The following RETREG1 variants were observed in gnomAD, a reference collection of about 807,000 sequenced individuals.
RETREG1 encodes family with sequence similarity 134 member B.
Under a neutral mutation model 54.8 loss-of-function variants are expected in RETREG1, and 44 were observed. The observed-to-expected ratio is 0.80, with a 90% CI of 0.63 to 1.03. RETREG1 has a LOEUF of 1.03. Among genes scored for constraint, RETREG1 ranks in the 50% least tolerant of loss-of-function variants. The pLI, the probability that RETREG1 is intolerant of heterozygous loss-of-function variation, is 0.00. For missense variants in RETREG1, 554 were observed against 605.1 expected, an observed-to-expected ratio of 0.92 and a Z score of 0.89; for synonymous variants, 217 against 238.5, an observed-to-expected ratio of 0.91 and a Z score of 0.83.
rs192748391 is a variant in RETREG1 at position 16,593,101 on chromosome 5, C to T, written c.321-20999G>A. On this transcript the variant is annotated intron_variant, in intron 1 of 8. Coordinates refer to ENST00000306320, the MANE Select transcript of RETREG1 (RefSeq NM_001034850.3). The surrounding 1 kb of genome is among the most constrained non-coding windows in gnomAD (Gnocchi z 4.9). ...CAAAAGGCGTTTGCTTCCTAAAGCT[C>T]GGCAAAGGCACAACAGTGAACCCCT... 1.1e-4 allele frequency among the ~76,000 whole-genome samples: 16 copies of T among 152,240 alleles called. No individual in the cohort carries two copies. Among genetic ancestry groups the T allele is most frequent in the South Asian group, 2.1e-4 (1 of 4,818 alleles).
In RETREG1 at chr5:16,592,290, G is replaced by A. The variant is rs775344716; in HGVS notation, c.321-20188C>T. Reference sequence around the variant, plus strand: ...GAAGGCATACATGCAGTCAAGAAGCGTATGAAAAAAAGCTCAGTATTACTG... The same window carrying A: ...GAAGGCATACATGCAGTCAAGAAGCATATGAAAAAAAGCTCAGTATTACTG... On this transcript the variant is annotated intron_variant, in intron 1 of 8. Transcript: ENST00000306320. Among the ~76,000 whole-genome samples, 6 of 152,162 alleles carry A rather than the reference G, an allele frequency of 3.9e-5. No individual in the cohort carries two copies. The East Asian group carries it at 5.8e-4, about 15-fold the overall frequency.
At chr5:16,570,495 G>C (rs1239190048) in intron 2 of RETREG1, among the ~76,000 whole-genome samples, 1 of 152,168 alleles carries the variant, frequency 6.6e-6, no homozygotes, top group Non-Finnish European at 1.5e-5. Flanking sequence ...CAGATGCTCA[G>C]CTTGCTTCCT....
rs1738475118 is a variant in RETREG1, at chr5:16,475,052, C to T, written c.1183G>A (p.Gly395Ser). Residue 395 changes from glycine to serine, a missense_variant, in exon 9 of 9, where the codon GGT (glycine) becomes AGT (serine). Transcript: ENST00000306320. ...TCACTGTTCAGAGGAAGGGTGAGAC[C>T]AGCTGCTGATTGCGTCTCTTTGCTT... ...RPSKETQSAA[G>S]LTLPLNSDQT... 1.2e-6 allele frequency: 2 copies of T among 1,613,734 alleles called. No individual in the cohort carries two copies. The highest frequency in any genetic ancestry group is 1.7e-6 in the Non-Finnish European group (2 of 1,179,906).
intron 3 of RETREG1, among the ~76,000 whole-genome samples, chr5:16,516,772 A>G (rs1049061004): frequency 2.6e-5 from 4 of 152,076 alleles, no homozygotes; most frequent in African/African-American, 9.7e-5. Flanking sequence ...CATATAACAA[A>G]AAAAAAAATC....
At chr5:16,566,979 T>C (rs958523878) in intron 2 of RETREG1, among the ~76,000 whole-genome samples, 7 of 152,226 alleles carry the variant, frequency 4.6e-5, no homozygotes, top group African/African-American at 1.7e-4. Context: ...CTAACAATCC[T>C]GGAGCCAAGA....
chr5:16,521,786 A>C (rs1393987712), intron 3 of RETREG1, among the ~76,000 whole-genome samples: 1 of 152,266 alleles, frequency 6.6e-6, no homozygotes, highest in African/African-American at 2.4e-5. Context: ...TGTCAGGTTT[A>C]AAGGATTTCA....
In RETREG1 at chr5:16,597,727, CCCT is replaced by C. The variant is rs1167801147; in HGVS notation, c.320+18922_320+18924del. The stretch of plus-strand genomic sequence containing the variant: ...AGCCTCCAACATGTCTCCCACATGC[CCCT>C]CCTCACTGCCCCTCAAGTGCTTTCT... On this transcript the variant is annotated intron_variant, in intron 1 of 8. Transcript: ENST00000306320. The surrounding 1 kb of genome is among the most constrained non-coding windows in gnomAD (Gnocchi z 4.3). 6.6e-6 allele frequency among the ~76,000 whole-genome samples: 1 copy of C among 152,156 alleles called. No individual in the cohort carries two copies. Among genetic ancestry groups the C allele is most frequent in the Non-Finnish European group, 1.5e-5 (1 of 68,036 alleles).
chr5:16,606,670 A>T (rs1743200432), intron 1 of RETREG1, among the ~76,000 whole-genome samples: 1 of 151,762 alleles, frequency 6.6e-6, no homozygotes, highest in East Asian at 1.9e-4. Flanking sequence ...TACCCACCAA[A>T]TCATTCTGTC....
chr5:16,552,026 T>A (rs1741557566), intron 3 of RETREG1, among the ~76,000 whole-genome samples: 1 of 152,180 alleles, frequency 6.6e-6, no homozygotes, highest in South Asian at 2.1e-4. Flanking sequence ...TCCAGGATCA[T>A]CCACCCATCT....
intron 3 of RETREG1, among the ~76,000 whole-genome samples, chr5:16,500,402 T>C (rs946857192): frequency 9.2e-5 from 14 of 151,960 alleles, no homozygotes; most frequent in African/African-American, 3.4e-4. Context: ...GATGAGAGAA[T>C]GGGTGAATGA....
chr5:16,495,114 G>A (rs1271570714), intron 3 of RETREG1, among the ~76,000 whole-genome samples: 1 of 152,182 alleles, frequency 6.6e-6, no homozygotes, highest in Non-Finnish European at 1.5e-5. Context: ...GTATCTGGTG[G>A]AAGAAATTTC....
intron 2 of RETREG1, among the ~76,000 whole-genome samples, chr5:16,568,191 G>A (rs143179272): frequency 6.6e-6 from 1 of 152,000 alleles, no homozygotes; most frequent in Non-Finnish European, 1.5e-5. Context: ...CCATCCCAGC[G>A]AGAGGATGTT....
intron 3 of RETREG1, among the ~76,000 whole-genome samples, chr5:16,515,386 T>C (rs1740316713): frequency 6.6e-6 from 1 of 152,238 alleles, no homozygotes; most frequent in Non-Finnish European, 1.5e-5. Flanking sequence ...AATCTCCTTA[T>C]TCCAATCTGT....
intron 3 of RETREG1, among the ~76,000 whole-genome samples, chr5:16,493,225 T>C (rs1474812685): frequency 6.6e-6 from 1 of 152,228 alleles, no homozygotes; most frequent in African/African-American, 2.4e-5. Context: ...ACCTAGATCA[T>C]TTGGGAGGCT....
intron 3 of RETREG1, among the ~76,000 whole-genome samples, chr5:16,514,076 A>G (rs1387390970): frequency 1.3e-5 from 2 of 152,244 alleles, no homozygotes; most frequent in Non-Finnish European, 2.9e-5. Context: ...TCAAAACACA[A>G]AAATTATTTA....
chr5:16,616,956 G>GCGCCGGGCT lies in RETREG1; in HGVS notation c.7_15dup (p.Ser3_Ala5dup), dbSNP rs1743540894. 1 of 1,436,426 alleles carries GCGCCGGGCT rather than the reference G, an allele frequency of 7.0e-7. No individual in the cohort carries two copies. The highest frequency in any genetic ancestry group is 3.0e-5 in the East Asian group (1 of 32,942). 89.0% of individuals were successfully genotyped at this position (1,436,426 alleles called of 1,614,324 possible). ...CATCCCTCCTCGGCGTGCTCCGGAG[G>GCGCCGGGCT]CGCCGGGCTCGCCATCTTCAGCTGT... On this transcript the variant is annotated inframe_insertion, in exon 1 of 9. Transcript: ENST00000306320.
chr5:16,565,801 A>G lies in RETREG1; in HGVS notation c.428-8T>C, dbSNP rs1741990377. On this transcript the variant is annotated splice_region_variant and splice_polypyrimidine_tract_variant and intron_variant, in intron 2 of 8. Transcript: ENST00000306320. ...TTCTCCACAACTGTGCACCTGCAAC[A>G]GGGAGAAGCAAAATGTGAAACTTAA... 5.0e-6 allele frequency: 8 copies of G among 1,613,432 alleles called. No individual in the cohort carries two copies. The highest frequency in any genetic ancestry group is 1.6e-4 in the Middle Eastern group (1 of 6,084).
rs1400353443 is a variant in RETREG1, at chr5:16,616,992, A to G, written c.-21T>C. 1.3e-5 allele frequency: 17 copies of G among 1,346,774 alleles called. No homozygotes were observed. The highest frequency in any genetic ancestry group is 1.6e-5 in the Non-Finnish European group (17 of 1,052,372). 83.4% of individuals were successfully genotyped at this position (1,346,774 alleles called of 1,614,324 possible). On this transcript the variant is annotated 5_prime_UTR_variant, in exon 1 of 9. Coordinates refer to ENST00000306320, the MANE Select transcript of RETREG1 (RefSeq NM_001034850.3). ...GCCATCTTCAGCTGTGCTTCCAGAC[A>G]GGGACGGGGCCGGGCGCGCGCGCGG...
At chr5:16,543,819 T>C (rs1022413298) in intron 3 of RETREG1, among the ~76,000 whole-genome samples, 2 of 152,152 alleles carry the variant, frequency 1.3e-5, no homozygotes, top group Non-Finnish European at 2.9e-5. Context: ...TTCCATTTCA[T>C]CCATTCAAAT....
Sources: gnomAD v4.1 joint callset for allele counts (sites outside exome capture counted in the v4.1 genomes callset) on GRCh38, gnomAD v4.1.1 for gene constraint, Gnocchi (gnomAD v3.1) non-coding constraint, MANE v1.5 for transcripts, NCBI Gene and HGNC (gene_info 2026-07-23, HGNC 2026-07-21) for gene names.